B3GALT1: variants seen among roughly 807,000 people sequenced by gnomAD.
B3GALT1 encodes beta-1,3-galactosyltransferase 1, also known as UDP-Gal:betaGlcNAc beta 1,3-galactosyltransferase, polypeptide 1.
Under a neutral mutation model 23.2 loss-of-function variants are expected in B3GALT1, and 10 were observed. That is an observed-to-expected ratio of 0.43 (90% CI 0.27 to 0.73). The LOEUF (loss-of-function observed/expected upper bound fraction) is 0.73, where lower values mean the gene tolerates loss of function less well. Ranked by LOEUF, B3GALT1 falls within the 30% of genes least tolerant of loss-of-function variation. The pLI is 0.21. For synonymous variants in B3GALT1, 156 were observed against 141.5 expected (o/e 1.10, Z -0.73); for missense variants, 299 against 405.4 (o/e 0.74, Z 2.25).
rs924611803 is a variant in B3GALT1 at position 167,405,669 on chromosome 2, T to C, written c.-510-84508T>C. 2.0e-5 allele frequency among the ~76,000 whole-genome samples: 3 copies of C among 152,162 alleles called. No individual in the cohort carries two copies. The South Asian group carries it at 6.2e-4, about 32-fold the overall frequency. ...TATTTGAAGCTATGGAATGAATTAC[T>C]CATTAGATTCCTTATGCCTTCCCTT... is the stretch of plus-strand genomic sequence containing the variant. On this transcript the variant is annotated intron_variant, in intron 1 of 4. Coordinates refer to ENST00000392690, the MANE Select transcript of B3GALT1 (RefSeq NM_020981.4).
At chr2:167,547,357 TTACA>T (rs1683656525) in intron 2 of B3GALT1, among the ~76,000 whole-genome samples, 1 of 152,116 alleles carries the variant, frequency 6.6e-6, no homozygotes, top group South Asian at 2.1e-4. Context: ...AACAAAAAAA[TTACA>T]TTTAGTGAAA....
intron 3 of B3GALT1, among the ~76,000 whole-genome samples, chr2:167,761,162 CA>C (rs1331408561): frequency 1.3e-5 from 2 of 152,198 alleles, no homozygotes; most frequent in Non-Finnish European, 1.5e-5. Flanking sequence ...AGCCTGTTAT[CA>C]GCACCCTTTT....
chr2:167,793,020 G>A (rs113152829), intron 3 of B3GALT1, among the ~76,000 whole-genome samples: 4 of 152,232 alleles, frequency 2.6e-5, no homozygotes, highest in African/African-American at 9.6e-5. Context: ...GCTTTCAGCA[G>A]CAAATAACAG....
At chr2:167,579,951 T>C (rs1684455680) in intron 2 of B3GALT1, among the ~76,000 whole-genome samples, 1 of 152,160 alleles carries the variant, frequency 6.6e-6, no homozygotes, top group Admixed American at 6.6e-5. Flanking sequence ...TGATAGATGG[T>C]AGAGTTCAAT....
At chr2:167,830,510 CTGTCAA>C (rs1423354777) in intron 4 of B3GALT1, among the ~76,000 whole-genome samples, 1 of 152,116 alleles carries the variant, frequency 6.6e-6, no homozygotes, top group African/African-American at 2.4e-5. Flanking sequence ...CAATTGTGAA[CTGTCAA>C]TATCAATATG....
chr2:167,534,133 C>T (rs972911125), intron 2 of B3GALT1, among the ~76,000 whole-genome samples: 1 of 151,940 alleles, frequency 6.6e-6, no homozygotes, highest in African/African-American at 2.4e-5. Context: ...TAATCTTGTT[C>T]AAAGCTTATT....
At chr2:167,356,385 G>C (rs965218183) in intron 1 of B3GALT1, among the ~76,000 whole-genome samples, 3 of 152,142 alleles carry the variant, frequency 2.0e-5, no homozygotes, top group Non-Finnish European at 4.4e-5. Context: ...TGATTTTTGT[G>C]ATTATTGTTG....
chr2:167,608,936 C>T lies in B3GALT1; in HGVS notation c.-409-37973C>T, dbSNP rs1408853258. Among the ~76,000 whole-genome samples, 8 of 152,158 alleles carry T rather than the reference C, an allele frequency of 5.3e-5. No homozygotes were observed. The South Asian group carries it at 1.5e-3, about 28-fold the overall frequency. ...CTCTAGACTGATTTGGTCTCATCTG[C>T]CTTGTAAAAGTCTCTCATTGACTCA... On this transcript the variant is annotated intron_variant, in intron 2 of 4. Transcript: ENST00000392690.
chr2:167,750,066 G>A (rs993697232), intron 3 of B3GALT1, among the ~76,000 whole-genome samples: 8 of 152,164 alleles, frequency 5.3e-5, no homozygotes, highest in African/African-American at 1.9e-4. Flanking sequence ...ATGTATTCTT[G>A]TAGAATGACT....
intron 1 of B3GALT1, among the ~76,000 whole-genome samples, chr2:167,328,422 T>A (rs1696927879): frequency 6.6e-6 from 1 of 152,226 alleles, no homozygotes; most frequent in Admixed American, 6.5e-5. Context: ...ATTCAGGTTT[T>A]CTTCCTGATT....
chr2:167,774,485 G>GTTTTGTTTTTTGTTTTTTTT (rs1688125273), intron 3 of B3GALT1, among the ~76,000 whole-genome samples: 1 of 105,180 alleles, frequency 9.5e-6, no homozygotes. Context: ...TTTTTTTTTT[G>GTTTTGTTTTTTGTTTTTTTT]TTTTTTTTTT....
At chr2:167,732,869 T>G (rs1687430090) in intron 3 of B3GALT1, among the ~76,000 whole-genome samples, 1 of 152,216 alleles carries the variant, frequency 6.6e-6, no homozygotes, top group African/African-American at 2.4e-5. Context: ...TATGCTTTGT[T>G]AACAGCCAGC....
At chr2:167,401,078 T>G (rs921860878) in intron 1 of B3GALT1, among the ~76,000 whole-genome samples, 1 of 152,076 alleles carries the variant, frequency 6.6e-6, no homozygotes, top group East Asian at 1.9e-4. Context: ...TTTTATCTTC[T>G]ACTTTCCCCT....
intron 1 of B3GALT1, among the ~76,000 whole-genome samples, chr2:167,468,705 G>A (rs963619785): frequency 1.3e-5 from 2 of 152,024 alleles, no homozygotes; most frequent in Non-Finnish European, 2.9e-5. Flanking sequence ...AGCCCCATCT[G>A]TACTAAGAAT....
chr2:167,590,558 C>T (rs2105415369), intron 2 of B3GALT1, among the ~76,000 whole-genome samples: 1 of 151,924 alleles, frequency 6.6e-6, no homozygotes, highest in African/African-American at 2.4e-5. Context: ...AAAGAAATAA[C>T]ATGAAGAAAT....
chr2:167,450,595 AC>A (rs1297108491), intron 1 of B3GALT1, among the ~76,000 whole-genome samples: 2 of 152,176 alleles, frequency 1.3e-5, no homozygotes, highest in African/African-American at 2.4e-5. Flanking sequence ...TCTGTAGGTT[AC>A]CTGGTGCTTT....
At chr2:167,627,399 A>G (rs537053516) in intron 2 of B3GALT1, among the ~76,000 whole-genome samples, 103 of 151,832 alleles carry the variant, frequency 6.8e-4, no homozygotes, top group African/African-American at 2.4e-3. Context: ...CTTTTCTGGA[A>G]TGACATGTAA....
At chr2:167,613,655 G>C (rs1402440911) in intron 2 of B3GALT1, among the ~76,000 whole-genome samples, 1 of 151,642 alleles carries the variant, frequency 6.6e-6, no homozygotes, top group Non-Finnish European at 1.5e-5. Context: ...TTCCCTCTGA[G>C]GATGTTGGGA....
At chr2:167,367,316 A>C (rs949171349) in intron 1 of B3GALT1, among the ~76,000 whole-genome samples, 1 of 152,208 alleles carries the variant, frequency 6.6e-6, no homozygotes, top group African/African-American at 2.4e-5. Flanking sequence ...AAGCAATGAA[A>C]GCAAAATTTG....
Sources: allele counts gnomAD v4.1 joint callset (sites outside exome capture counted in the v4.1 genomes callset), GRCh38; gene constraint gnomAD v4.1.1; transcripts MANE v1.5; gene names NCBI Gene and HGNC (gene_info 2026-07-23, HGNC 2026-07-21).